The following DSCAML1 variants were observed in gnomAD, a reference collection of about 807,000 sequenced individuals.
DSCAML1 encodes the protein cell adhesion molecule DSCAML1.
Under a neutral mutation model 200.5 loss-of-function variants are expected in DSCAML1, and 38 were observed. That is an observed-to-expected ratio of 0.19 (90% confidence interval 0.15 to 0.25). The LOEUF is 0.25. Among genes scored for constraint, DSCAML1 ranks in the 10% least tolerant of loss-of-function variants. DSCAML1 has a pLI of 1.00. For missense variants in DSCAML1, 2,223 were observed against 2,858.8 expected, an observed-to-expected ratio of 0.78 and a Z score of 5.07; for synonymous variants, 1,215 against 1,165.0, an observed-to-expected ratio of 1.04 and a Z score of -0.87.
At position 117,480,432 on chromosome 11, in the gene DSCAML1, C is replaced by G. The variant is rs75603981; in HGVS notation, c.2785+11G>C. On this transcript the variant is annotated intron_variant, in intron 14 of 32. Transcript: ENST00000651296. This position sits in a 1 kb window ranked among gnomAD's most constrained non-coding sequence, Gnocchi z 4.1. ...CAGGCCACGCTGTCACCCTCCTGGC[C>G]CAGCGCCTACCTGATTTGTTCTTGT... The G allele has an allele frequency of 3.1e-6, 5 of 1,613,152 alleles. No homozygotes were observed. In the African/African-American group the frequency reaches 5.3e-5, roughly 17 times the overall value.
At chr11:117,546,034 C>T (rs923581646) in intron 3 of DSCAML1, among the ~76,000 whole-genome samples, 13 of 152,216 alleles carry the variant, frequency 8.5e-5, no homozygotes, top group African/African-American at 2.2e-4. Context: ...GTGCGAGGCA[C>T]GCAGAGCCAG....
In DSCAML1 at chr11:117,509,560, G is replaced by A. The variant is rs150816811; in HGVS notation, c.1784-3828C>T. Among the ~76,000 whole-genome samples the A allele has an allele frequency of 1.3e-3, 198 of 152,252 alleles. 1 individual carries two copies. Among genetic ancestry groups the A allele is most frequent in the African/African-American group, 4.6e-3 (193 of 41,556 alleles). On this transcript the variant is annotated intron_variant, in intron 8 of 32. Transcript: ENST00000651296. ...TACTCCAGGCTAGCCACTCACATCC[G>A]GTCAATACACACACCGGGCAGCCTG...
chr11:117,428,353 T>C lies in DSCAML1; in HGVS notation c.6137A>G (p.Tyr2046Cys). ...GRSQKQGAGA[Y>C]SKSYTLV ...CTACACCAGGGTGTAGGATTTGGAG[T>C]AGGCCCCGGCCCCCTGCTTCTGAGA... The change falls in exon 33 of 33, where the codon TAC becomes TGC. Residue 2046 changes from tyrosine to cysteine, a missense_variant. Tyr to Cys is a radical substitution (Grantham distance 194, BLOSUM62 -2). This residue lies in a region of DSCAML1 where 280 missense variants were observed against 213.4 expected (regional missense o/e 1.31). Coordinates refer to ENST00000651296, the MANE Select transcript of DSCAML1 (RefSeq NM_020693.4). The C allele has an allele frequency of 6.3e-7, 1 of 1,577,756 alleles. No individual in the cohort carries two copies. The highest frequency in any genetic ancestry group is 8.7e-7 in the Non-Finnish European group (1 of 1,155,868).
At chr11:117,754,673 A>C (rs1207277968) in intron 3 of DSCAML1, among the ~76,000 whole-genome samples, 1 of 152,138 alleles carries the variant, frequency 6.6e-6, no homozygotes, top group African/African-American at 2.4e-5. Context: ...GCGACTTTAT[A>C]ATTAAAATCC....
intron 3 of DSCAML1, among the ~76,000 whole-genome samples, chr11:117,692,683 A>G (rs1046552400): frequency 6.6e-6 from 1 of 152,122 alleles, no homozygotes; most frequent in Admixed American, 6.5e-5. Flanking sequence ...ACCTCAATCA[A>G]TCTTTTCCCC....
At chr11:117,809,930 C>T (rs1180264554) in intron 1 of DSCAML1, among the ~76,000 whole-genome samples, 1 of 149,708 alleles carries the variant, frequency 6.7e-6, no homozygotes, top group Non-Finnish European at 1.5e-5. Context: ...CATTCACACA[C>T]ACGCATATTC....
At chr11:117,652,004 T>G (rs2052643349) in intron 3 of DSCAML1, among the ~76,000 whole-genome samples, 1 of 152,188 alleles carries the variant, frequency 6.6e-6, no homozygotes, top group African/African-American at 2.4e-5. Flanking sequence ...TCTGAGCCAC[T>G]GTTTCCTCTA....
rs2049452730 is a variant in DSCAML1 at position 117,504,400 on chromosome 11, CA to C, written c.2183-380del. Among the ~76,000 whole-genome samples, 1 of 152,204 alleles carries C rather than the reference CA, an allele frequency of 6.6e-6. No homozygotes were observed. Among genetic ancestry groups the C allele is most frequent in the African/African-American group, 2.4e-5 (1 of 41,454 alleles). Reference sequence around the variant, plus strand: ...TGGCAGTTGTCTGGTCTCAGGCAACCAGGCCTGGGAGAGAGGCCAGCATCCT... The same window carrying C: ...TGGCAGTTGTCTGGTCTCAGGCAACCGGCCTGGGAGAGAGGCCAGCATCCT... On this transcript the variant is annotated intron_variant, in intron 10 of 32. Transcript: ENST00000651296. This position sits in a 1 kb window ranked among gnomAD's most constrained non-coding sequence, Gnocchi z 5.0.
chr11:117,561,935 G>A (rs2050670852), intron 3 of DSCAML1, among the ~76,000 whole-genome samples: 1 of 152,222 alleles, frequency 6.6e-6, no homozygotes, highest in Non-Finnish European at 1.5e-5. Context: ...GGTAGATGTG[G>A]CATGAATAAA....
intron 8 of DSCAML1, among the ~76,000 whole-genome samples, chr11:117,512,908 A>AG (rs2049671999): frequency 1.3e-5 from 2 of 151,980 alleles, no homozygotes; most frequent in Non-Finnish European, 2.9e-5. Context: ...AATGCATCAG[A>AG]TTCAATTCAT....
rs745761653 is a variant in DSCAML1 at position 117,428,197 on chromosome 11, G to A, written c.*131C>T. The A allele has an allele frequency of 1.9e-5, 12 of 643,934 alleles. No homozygotes were observed. The highest frequency in any genetic ancestry group is 3.3e-5 in the Non-Finnish European group (12 of 358,574). The allele number at this position is 643,934 out of a possible 1,614,324, so 39.9% of individuals were successfully genotyped here. ...GTTCTATGTACAGGCGTTCATGATT[G>A]GGGGTTTTTGTTTTGTCGTTGGTTG... On this transcript the variant is annotated 3_prime_UTR_variant, in exon 33 of 33. Coordinates refer to ENST00000651296, the MANE Select transcript of DSCAML1 (RefSeq NM_020693.4).
intron 11 of DSCAML1, among the ~76,000 whole-genome samples, chr11:117,485,164 G>C (rs1480000916): frequency 6.6e-6 from 1 of 152,138 alleles, no homozygotes; most frequent in Non-Finnish European, 1.5e-5. Context: ...CACCCCTGAG[G>C]CTATGTACTT....
At chr11:117,636,648 A>G (rs1166172083) in intron 3 of DSCAML1, among the ~76,000 whole-genome samples, 2 of 152,164 alleles carry the variant, frequency 1.3e-5, no homozygotes, top group Admixed American at 6.5e-5. Context: ...CTTAACTCAA[A>G]GCACTGCTGG....
chr11:117,444,076 A>G (rs537330138), intron 20 of DSCAML1, 37 bp from the exon 21 acceptor site: 3 of 1,577,986 alleles, frequency 1.9e-6, no homozygotes, highest in Non-Finnish European at 8.6e-7. Context: ...AAGAAGCAGA[A>G]CTGGGGCCCT....
chr11:117,553,729 G>A (rs2050508962), intron 3 of DSCAML1, among the ~76,000 whole-genome samples: 1 of 152,214 alleles, frequency 6.6e-6, no homozygotes, highest in African/African-American at 2.4e-5. Context: ...ACAGTGGATG[G>A]CTCCTCAAAA....
At chr11:117,436,619 GT>G (rs2047922789) in intron 26 of DSCAML1, among the ~76,000 whole-genome samples, 1 of 152,040 alleles carries the variant, frequency 6.6e-6, no homozygotes, top group Non-Finnish European at 1.5e-5. Flanking sequence ...GGATCCTGGA[GT>G]CTCCATGTTC....
chr11:117,718,668 ACC>A lies in DSCAML1; in HGVS notation c.511+58121_511+58122del, dbSNP rs60879756. 0.011 allele frequency among the ~76,000 whole-genome samples: 291 copies of A among 25,856 alleles called. 16 individuals are homozygous for A. In the Middle Eastern group the frequency reaches 0.12, roughly 11 times the overall value. 17.0% of individuals were successfully genotyped at this position (25,856 alleles called of 152,430 possible). On this transcript the variant is annotated intron_variant, in intron 3 of 32. Coordinates refer to ENST00000651296, the MANE Select transcript of DSCAML1 (RefSeq NM_020693.4). ...CACACACACAAGATGAATACTCAAAACCCCCCCCCCCCCCCATCATATGAGAC... is the reference window on the plus strand; with the variant it reads ...CACACACACAAGATGAATACTCAAAACCCCCCCCCCCCCATCATATGAGAC...
chr11:117,691,374 A>G (rs12279714), intron 3 of DSCAML1, among the ~76,000 whole-genome samples: 1,548 of 151,752 alleles, frequency 0.01, 36 homozygotes, highest in African/African-American at 0.035. Flanking sequence ...CGGCCTCCCC[A>G]CTCCCACTGA....
chr11:117,758,850 C>T (rs768016608), intron 3 of DSCAML1, among the ~76,000 whole-genome samples: 2 of 152,068 alleles, frequency 1.3e-5, no homozygotes, highest in Non-Finnish European at 2.9e-5. Context: ...TGAGCGTCCC[C>T]AACTATGCGT....
Sources: gnomAD v4.1 joint callset for allele counts (sites outside exome capture counted in the v4.1 genomes callset) on GRCh38, gnomAD v4.1.1 for gene constraint, gnomAD v4.1.1 regional missense constraint, Gnocchi (gnomAD v3.1) non-coding constraint, MANE v1.5 for transcripts, NCBI Gene and HGNC (gene_info 2026-07-23, HGNC 2026-07-21) for gene names.